Variants in USP34 observed in about 807,000 individuals in gnomAD.
USP34 encodes the protein ubiquitin carboxyl-terminal hydrolase 34.
A neutral mutation model predicts 460.3 loss-of-function variants in USP34; 70 were observed. The observed-to-expected ratio is 0.15, with a 90% CI of 0.13 to 0.19. The LOEUF is 0.19. Ranked by LOEUF, USP34 falls within the 10% of genes least tolerant of loss-of-function variation. The pLI is 1.00. For missense variants in USP34, 3,985 were observed against 4,236.2 expected, an observed-to-expected ratio of 0.94 and a Z score of 1.65; for synonymous variants, 1,647 against 1,405.3, an observed-to-expected ratio of 1.17 and a Z score of -3.85.
At chr2:61,260,594 C>G (rs1688850497) in intron 43 of USP34, among the ~76,000 whole-genome samples, 1 of 152,008 alleles carries the variant, frequency 6.6e-6, no homozygotes, top group South Asian at 2.1e-4. Flanking sequence ...AAGATATGGA[C>G]TAAAACAGAG....
At chr2:61,251,547 T>G (rs1295498939) in intron 48 of USP34, among the ~76,000 whole-genome samples, 1 of 152,240 alleles carries the variant, frequency 6.6e-6, no homozygotes, top group Non-Finnish European at 1.5e-5. Context: ...TTTTGCAGTA[T>G]AAGGTCTTCA....
At chr2:61,458,378 T>C (rs1486216188) in intron 1 of USP34, among the ~76,000 whole-genome samples, 2 of 151,476 alleles carry the variant, frequency 1.3e-5, no homozygotes, top group Non-Finnish European at 2.9e-5. Context: ...CTGGCCAACA[T>C]GGTGAAACCC....
At chr2:61,306,776 C>T (rs1690420035) in intron 27 of USP34, among the ~76,000 whole-genome samples, 1 of 152,160 alleles carries the variant, frequency 6.6e-6, no homozygotes, top group Non-Finnish European at 1.5e-5. Flanking sequence ...TACCATCTCA[C>T]ACCAGTTAGA....
At chr2:61,400,355 C>T (rs954442849) in intron 3 of USP34, among the ~76,000 whole-genome samples, 3 of 151,984 alleles carry the variant, frequency 2.0e-5, no homozygotes, top group African/African-American at 7.3e-5. Flanking sequence ...GTGATCCACC[C>T]GCCTCGGCCT....
chr2:61,259,536 C>T (rs1486203327), intron 44 of USP34, among the ~76,000 whole-genome samples, 175 bp downstream of exon 44: 2 of 148,224 alleles, frequency 1.3e-5, no homozygotes, highest in Non-Finnish European at 3.0e-5. Context: ...TACAGGCACG[C>T]ACCACCATGC....
intron 1 of USP34, among the ~76,000 whole-genome samples, chr2:61,431,140 C>T (rs1039168899): frequency 6.6e-6 from 1 of 152,118 alleles, no homozygotes; most frequent in Non-Finnish European, 1.5e-5. Flanking sequence ...AGAATTATAC[C>T]TAGCCAGGAG....
intron 5 of USP34, among the ~76,000 whole-genome samples, chr2:61,393,954 G>T (rs1047971452): frequency 6.6e-6 from 1 of 151,924 alleles, no homozygotes; most frequent in African/African-American, 2.4e-5. Context: ...TGGCCAACAT[G>T]TACTCAAAAT....
In USP34 at chr2:61,347,303, T is replaced by C. The variant is rs148780453; in HGVS notation, c.2285+567A>G. Among the ~76,000 whole-genome samples the C allele has an allele frequency of 2.5e-4, 38 of 152,356 alleles. No individual in the cohort carries two copies. In the East Asian group the frequency reaches 5.8e-3, roughly 23 times the overall value. ...AATACCTTAGTAATTTTTATACTTA[T>C]TACATGTGTAAATGGCATTGTGGAT... On this transcript the variant is annotated intron_variant, in intron 15 of 79. Coordinates refer to ENST00000398571, the MANE Select transcript of USP34 (RefSeq NM_014709.4).
At chr2:61,419,143 T>C (rs1014512420) in intron 2 of USP34, among the ~76,000 whole-genome samples, 1 of 152,058 alleles carries the variant, frequency 6.6e-6, no homozygotes, top group Non-Finnish European at 1.5e-5. Context: ...CGTTCACAGG[T>C]GATGAAGCAG....
chr2:61,295,134 A>G lies in USP34; in HGVS notation c.4377+34T>C, dbSNP rs540649867. 46 of 1,599,754 alleles carry G rather than the reference A, an allele frequency of 2.9e-5. 1 individual carries two copies. The East Asian group carries it at 6.0e-4, about 21-fold the overall frequency. The stretch of plus-strand genomic sequence containing the variant: ...TAGAATTTTGCTCCAGAGAGAATAC[A>G]AACATTTAATGATAATAATGGAAAT... On this transcript the variant is annotated intron_variant, in intron 31 of 79. Coordinates refer to ENST00000398571, the MANE Select transcript of USP34 (RefSeq NM_014709.4).
chr2:61,283,324 C>T, intron 36 of USP34, 55 bp from the exon 37 acceptor site: 1 of 1,587,002 alleles, frequency 6.3e-7, no homozygotes, highest in Non-Finnish European at 8.6e-7. Flanking sequence ...AAAATGAAAA[C>T]ACAATGTTCA....
At chr2:61,249,505 A>G (rs1371560451) in intron 48 of USP34, among the ~76,000 whole-genome samples, 2 of 152,362 alleles carry the variant, frequency 1.3e-5, no homozygotes, top group Non-Finnish European at 2.9e-5. Context: ...GCCTGTCTGC[A>G]GGTAACAAAC....
At chr2:61,211,961 T>A in intron 68 of USP34, 32 bp from the exon 69 acceptor site, 1 of 1,580,892 alleles carries the variant, frequency 6.3e-7, no homozygotes, top group Non-Finnish European at 8.5e-7. Context: ...TATGATCTTT[T>A]AACCCTATAG....
intron 25 of USP34, among the ~76,000 whole-genome samples, chr2:61,312,715 T>C (rs969928671): frequency 2.6e-5 from 4 of 152,164 alleles, no homozygotes; most frequent in Non-Finnish European, 5.9e-5. Flanking sequence ...ATTAATAATT[T>C]GTTGTTATCA....
At chr2:61,372,019 T>A (rs1692643454) in intron 8 of USP34, among the ~76,000 whole-genome samples, 1 of 152,158 alleles carries the variant, frequency 6.6e-6, no homozygotes, top group Non-Finnish European at 1.5e-5. Context: ...TCAGAATGTA[T>A]CCCTGTCATT....
chr2:61,307,822 A>G (rs2103661596), intron 27 of USP34, among the ~76,000 whole-genome samples: 1 of 151,702 alleles, frequency 6.6e-6, no homozygotes, highest in East Asian at 1.9e-4. Context: ...CCAAGGGGGG[A>G]GGATAGCTTG....
intron 34 of USP34, 55 bp from the exon 35 acceptor site, chr2:61,285,012 C>G (rs1367939935): frequency 5.0e-6 from 7 of 1,409,590 alleles, no homozygotes; most frequent in Middle Eastern, 4.7e-4. Context: ...GGAAAACCCT[C>G]AAAAAGCACT....
At chr2:61,364,097 T>C (rs532572021) in intron 10 of USP34, among the ~76,000 whole-genome samples, 1 of 152,318 alleles carries the variant, frequency 6.6e-6, no homozygotes, top group Non-Finnish European at 1.5e-5. Flanking sequence ...GTAAAACAGC[T>C]GAGCATGGTG....
At chr2:61,222,227 A>G (rs1687607675) in intron 65 of USP34, among the ~76,000 whole-genome samples, 1 of 152,240 alleles carries the variant, frequency 6.6e-6, no homozygotes, top group South Asian at 2.1e-4. Context: ...TAAAATAGCT[A>G]TAGCATTTCC....
Sources: gnomAD v4.1 joint callset for allele counts (sites outside exome capture counted in the v4.1 genomes callset) on GRCh38, gnomAD v4.1.1 for gene constraint, MANE v1.5 for transcripts, NCBI Gene and HGNC (gene_info 2026-07-23, HGNC 2026-07-21) for gene names.